Variants in THEMIS observed in about 807,000 individuals in gnomAD.
THEMIS encodes the protein protein THEMIS.
In THEMIS, 37 loss-of-function variants were observed where a neutral mutation model predicts 52.6. The observed-to-expected ratio is 0.70, with a 90% CI of 0.54 to 0.93. THEMIS has a LOEUF of 0.93. THEMIS is among the 40% of genes least tolerant of loss of function. The probability of loss-of-function intolerance (pLI) is 0.00; values close to 1 mark genes in which losing one functional copy is unlikely to be tolerated. For synonymous variants in THEMIS, 292 were observed against 272.7 expected, an observed-to-expected ratio of 1.07 and a Z score of -0.70; for missense variants, 808 against 763.1, an observed-to-expected ratio of 1.06 and a Z score of -0.69.
chr6:127,762,560 C>T (rs1333224173), intron 4 of THEMIS, among the ~76,000 whole-genome samples: 3 of 152,042 alleles, frequency 2.0e-5, no homozygotes, highest in African/African-American at 7.2e-5. Context: ...CCAGCCATGA[C>T]AAGAAACTTA....
At chr6:127,870,350 T>G (rs1218535134) in intron 1 of THEMIS, among the ~76,000 whole-genome samples, 1 of 152,180 alleles carries the variant, frequency 6.6e-6, no homozygotes, top group Non-Finnish European at 1.5e-5. Context: ...CTTCCTAAAG[T>G]GTCACAGAGC....
chr6:127,754,062 G>A (rs1227008093), intron 4 of THEMIS, among the ~76,000 whole-genome samples: 2 of 152,070 alleles, frequency 1.3e-5, no homozygotes, highest in South Asian at 2.1e-4. Flanking sequence ...TTGAATATGT[G>A]CAGATTTTTA....
chr6:127,736,866 AAG>A (rs2114546399), intron 4 of THEMIS, among the ~76,000 whole-genome samples: 1 of 151,706 alleles, frequency 6.6e-6, no homozygotes, highest in African/African-American at 2.4e-5. Flanking sequence ...AAAAAAAAAA[AAG>A]AAAAAATATT....
At chr6:127,825,712 A>C (rs1391886612) in intron 3 of THEMIS, among the ~76,000 whole-genome samples, 1 of 152,194 alleles carries the variant, frequency 6.6e-6, no homozygotes, top group Non-Finnish European at 1.5e-5. Context: ...TCCAATTGGA[A>C]CATGAGAACG....
intron 4 of THEMIS, among the ~76,000 whole-genome samples, chr6:127,758,255 C>G (rs977228729): frequency 1.3e-5 from 2 of 150,542 alleles, no homozygotes; most frequent in African/African-American, 4.9e-5. Context: ...AAATTGGGTT[C>G]TGAACTTCCT....
At chr6:127,699,282 C>T in the THEMIS span, among the ~76,000 whole-genome samples, 1 of 151,490 alleles carries the variant, frequency 6.6e-6, no homozygotes, top group Non-Finnish European at 1.5e-5. Flanking sequence ...GTGTCATAAC[C>T]ATCTTTTTTG....
chr6:127,778,165 T>C (rs1462063554), intron 4 of THEMIS, among the ~76,000 whole-genome samples: 3 of 152,156 alleles, frequency 2.0e-5, no homozygotes, highest in Admixed American at 6.5e-5. Context: ...TGTGTATGTA[T>C]ATTTCAAAAC....
At chr6:127,882,945 G>A (rs956743269) in intron 1 of THEMIS, among the ~76,000 whole-genome samples, 5 of 151,830 alleles carry the variant, frequency 3.3e-5, no homozygotes, top group Non-Finnish European at 7.4e-5. Context: ...TGAACTCTCA[G>A]ATGCATCAGA....
chr6:127,697,627 C>T, the THEMIS span, among the ~76,000 whole-genome samples: 10 of 152,112 alleles, frequency 6.6e-5, no homozygotes, highest in Admixed American at 4.6e-4. Context: ...CCCCTTGGTC[C>T]CACTGAACAT....
At chr6:127,733,972 A>G (rs180825257) in intron 4 of THEMIS, among the ~76,000 whole-genome samples, 4 of 152,344 alleles carry the variant, frequency 2.6e-5, no homozygotes, top group East Asian at 3.9e-4. Context: ...CAGTTTCTGC[A>G]TGAGTGGCTG....
chr6:127,730,554 A>G (rs1019969628), intron 4 of THEMIS, among the ~76,000 whole-genome samples: 1 of 151,950 alleles, frequency 6.6e-6, no homozygotes, highest in African/African-American at 2.4e-5. Flanking sequence ...AAGATTTGAG[A>G]TAATATATTT....
chr6:127,769,350 T>C (rs938054151), intron 4 of THEMIS, among the ~76,000 whole-genome samples: 1 of 145,128 alleles, frequency 6.9e-6, no homozygotes, highest in Non-Finnish European at 1.5e-5. Flanking sequence ...CAGTTTTTTT[T>C]TGTTTTTTTT....
chr6:127,831,912 T>C (rs771446992), intron 2 of THEMIS, among the ~76,000 whole-genome samples: 25 of 152,090 alleles, frequency 1.6e-4, no homozygotes, highest in Non-Finnish European at 2.9e-4. Flanking sequence ...AGTAAATGAA[T>C]TTGTGTGTGT....
chr6:127,869,350 C>T (rs1275887180), intron 1 of THEMIS, among the ~76,000 whole-genome samples: 1 of 152,158 alleles, frequency 6.6e-6, no homozygotes, highest in Non-Finnish European at 1.5e-5. Flanking sequence ...CATCTAGCAA[C>T]ACAGTGCACT....
At chr6:127,739,619 G>A (rs138303350) in intron 4 of THEMIS, among the ~76,000 whole-genome samples, 3,086 of 152,222 alleles carry the variant, frequency 0.02, 108 homozygotes, top group African/African-American at 0.064. Flanking sequence ...TAGCCTGGGC[G>A]ACAGAGCGAG....
At chr6:127,836,964 A>G (rs917839568) in intron 2 of THEMIS, among the ~76,000 whole-genome samples, 1 of 152,132 alleles carries the variant, frequency 6.6e-6, no homozygotes, top group African/African-American at 2.4e-5. Context: ...CCTCAAAACT[A>G]TTCAGAGATT....
intron 5 of THEMIS, among the ~76,000 whole-genome samples, chr6:127,710,973 T>TCCTC (rs1177373400): frequency 7.5e-5 from 9 of 119,400 alleles, no homozygotes; most frequent in African/African-American, 1.9e-4. Context: ...CTTCTTTCCT[T>TCCTC]CCTCCCTCCC....
At chr6:127,746,109 C>T (rs1467623733) in intron 4 of THEMIS, among the ~76,000 whole-genome samples, 1 of 151,758 alleles carries the variant, frequency 6.6e-6, no homozygotes, top group Non-Finnish European at 1.5e-5. Flanking sequence ...CTCGTCTTCC[C>T]AAGTATTTCT....
At chr6:127,910,148 A>C (rs1488915833) in intron 1 of THEMIS, 1 of 152,170 alleles carries the variant, frequency 6.6e-6, no homozygotes, top group Non-Finnish European at 1.5e-5. Context: ...AGTGCATCTA[A>C]TTTCCTTTTT....
Sources: allele counts gnomAD v4.1 joint callset (sites outside exome capture counted in the v4.1 genomes callset), GRCh38; gene constraint gnomAD v4.1.1; transcripts MANE v1.5; gene names NCBI Gene and HGNC (gene_info 2026-07-23, HGNC 2026-07-21).